CABCOCO1: variants seen among roughly 807,000 people sequenced by gnomAD.
The protein encoded by CABCOCO1 is ciliary associated calcium binding coiled-coil 1.
CABCOCO1 carries 28 observed loss-of-function variants against 35.7 expected under a neutral mutation model. That is an observed-to-expected ratio of 0.78 (90% confidence interval 0.58 to 1.07). CABCOCO1 has a LOEUF of 1.07. CABCOCO1 is among the 50% of genes least tolerant of loss of function. The pLI is 0.00. For missense variants in CABCOCO1, 326 were observed against 309.2 expected, an observed-to-expected ratio of 1.05 and a Z score of -0.41; for synonymous variants, 95 against 100.1, an observed-to-expected ratio of 0.95 and a Z score of 0.30.
At chr10:61,667,186 T>C (rs1839211975) in intron 1 of CABCOCO1, among the ~76,000 whole-genome samples, 1 of 146,068 alleles carries the variant, frequency 6.8e-6, no homozygotes, top group African/African-American at 2.5e-5. Flanking sequence ...TTACATATTA[T>C]ATATAAATAT....
intron 5 of CABCOCO1, among the ~76,000 whole-genome samples, chr10:61,754,540 T>C (rs1841857600): frequency 6.6e-6 from 1 of 152,118 alleles, no homozygotes; most frequent in African/African-American, 2.4e-5. Flanking sequence ...AGTCAAAAGA[T>C]ATCTAAAATA....
At chr10:61,672,764 TAGA>T (rs1420550374) in intron 2 of CABCOCO1, 29 bp downstream of exon 2, 12 of 980,718 alleles carry the variant, frequency 1.2e-5, no homozygotes, top group African/African-American at 8.8e-5. Flanking sequence ...CAATCACATG[TAGA>T]AGAACAGTTC....
chr10:61,699,820 A>C (rs1029223640), intron 5 of CABCOCO1, among the ~76,000 whole-genome samples: 10 of 152,144 alleles, frequency 6.6e-5, no homozygotes, highest in Non-Finnish European at 4.4e-5. Flanking sequence ...GCAACCTATT[A>C]CTATCTGTAA....
intron 5 of CABCOCO1, among the ~76,000 whole-genome samples, chr10:61,751,457 A>T (rs954428707): frequency 3.3e-5 from 5 of 152,102 alleles, no homozygotes; most frequent in Non-Finnish European, 7.4e-5. Flanking sequence ...GGAATAACTG[A>T]AGACAGCTGC....
chr10:61,668,862 T>C (rs1420113319), intron 1 of CABCOCO1, among the ~76,000 whole-genome samples: 2 of 151,810 alleles, frequency 1.3e-5, no homozygotes, highest in Non-Finnish European at 1.5e-5. Context: ...TGCAATACTT[T>C]AAAAAAATCA....
intron 5 of CABCOCO1, among the ~76,000 whole-genome samples, chr10:61,731,469 C>G (rs1355593885): frequency 6.6e-6 from 1 of 151,888 alleles, no homozygotes; most frequent in Non-Finnish European, 1.5e-5. Flanking sequence ...TTCCTTTTAT[C>G]TCCCTTGCAT....
intron 4 of CABCOCO1, among the ~76,000 whole-genome samples, chr10:61,687,187 C>T (rs149042853): frequency 4.5e-4 from 68 of 152,194 alleles, no homozygotes; most frequent in African/African-American, 1.5e-3. Flanking sequence ...ATGGTTTTTA[C>T]GTAATAACAT....
At chr10:61,672,568 A>G (rs767500586) in intron 1 of CABCOCO1, 64 bp from the exon 2 acceptor site, 4 of 307,924 alleles carry the variant, frequency 1.3e-5, no homozygotes, top group Admixed American at 1.3e-4. Context: ...CAACTTTGTT[A>G]CTATTGGGTT....
chr10:61,669,302 C>A (rs1839288646), intron 1 of CABCOCO1, among the ~76,000 whole-genome samples: 1 of 151,910 alleles, frequency 6.6e-6, no homozygotes, highest in Admixed American at 6.6e-5. Context: ...CAGATAATAT[C>A]AGGCTTACAG....
intron 5 of CABCOCO1, among the ~76,000 whole-genome samples, chr10:61,755,637 T>C (rs1211927923): frequency 1.3e-5 from 2 of 152,068 alleles, no homozygotes; most frequent in Non-Finnish European, 2.9e-5. Flanking sequence ...TAATCTCAAC[T>C]GCATATTTAA....
chr10:61,714,030 G>A (rs184630756), intron 5 of CABCOCO1, among the ~76,000 whole-genome samples: 41 of 152,290 alleles, frequency 2.7e-4, no homozygotes, highest in Non-Finnish European at 5.3e-4. Flanking sequence ...CTCATAAAAT[G>A]AGTTAGGGAG....
chr10:61,706,636 C>G (rs1293244793), intron 5 of CABCOCO1, among the ~76,000 whole-genome samples: 3 of 152,090 alleles, frequency 2.0e-5, no homozygotes, highest in Non-Finnish European at 4.4e-5. Context: ...TCTCCAGACC[C>G]CTTTTTCTAC....
intron 5 of CABCOCO1, among the ~76,000 whole-genome samples, chr10:61,745,931 T>G (rs1841649729): frequency 1.3e-5 from 2 of 152,212 alleles, no homozygotes; most frequent in African/African-American, 4.8e-5. Flanking sequence ...AAAACCAAGA[T>G]GGATTTGAAG....
intron 6 of CABCOCO1, among the ~76,000 whole-genome samples, chr10:61,760,608 G>T (rs994147397): frequency 2.6e-5 from 4 of 151,938 alleles, no homozygotes; most frequent in Non-Finnish European, 5.9e-5. Flanking sequence ...TTTGGAGGGT[G>T]GGCAAGGAAG....
In CABCOCO1 at chr10:61,699,240, A is replaced by G. The variant is rs377161420; in HGVS notation, c.552+8619A>G. Among the ~76,000 whole-genome samples, 970 of 152,280 alleles carry G rather than the reference A, an allele frequency of 6.4e-3. 6 individuals are homozygous for G. The highest frequency in any genetic ancestry group is 0.014 in the Middle Eastern group (4 of 294). ...AAAATGGTTGATGCTTGGATATACA[A>G]TTTATCAAACTTCACTCCAGTCCTT... is the stretch of plus-strand genomic sequence containing the variant. On this transcript the variant is annotated intron_variant, in intron 5 of 7. Coordinates refer to ENST00000648843, the MANE Select transcript of CABCOCO1 (RefSeq NM_001366906.2).
intron 5 of CABCOCO1, among the ~76,000 whole-genome samples, chr10:61,743,346 C>T (rs1032665380): frequency 1.1e-4 from 17 of 152,158 alleles, no homozygotes; most frequent in African/African-American, 3.9e-4. Flanking sequence ...CTAGACATGA[C>T]TTACTCTGTG....
At chr10:61,734,078 T>C (rs1428278931) in intron 5 of CABCOCO1, among the ~76,000 whole-genome samples, 1 of 152,076 alleles carries the variant, frequency 6.6e-6, no homozygotes, top group Non-Finnish European at 1.5e-5. Context: ...GTTAACCTTT[T>C]TTTCTGAAGA....
intron 5 of CABCOCO1, among the ~76,000 whole-genome samples, chr10:61,712,250 G>C (rs995685626): frequency 6.6e-6 from 1 of 152,140 alleles, no homozygotes; most frequent in Non-Finnish European, 1.5e-5. Context: ...GCATTTCTCT[G>C]ATGACCAGTG....
chr10:61,714,171 A>T (rs1840802314), intron 5 of CABCOCO1, among the ~76,000 whole-genome samples: 1 of 152,140 alleles, frequency 6.6e-6, no homozygotes, highest in Non-Finnish European at 1.5e-5. Flanking sequence ...GCTACTAATT[A>T]TTGCCTCAAT....
Sources: allele counts gnomAD v4.1 joint callset (sites outside exome capture counted in the v4.1 genomes callset), GRCh38; gene constraint gnomAD v4.1.1; transcripts MANE v1.5; gene names NCBI Gene and HGNC (gene_info 2026-07-23, HGNC 2026-07-21).